BPIFC: variants seen among roughly 807,000 people sequenced by gnomAD.
BPIFC encodes BPI fold-containing family C protein.
In BPIFC, 60 loss-of-function variants were observed where a neutral mutation model predicts 57.6. The ratio of observed to expected loss-of-function variants is 1.04; its 90% CI spans 0.85 to 1.29. The LOEUF is 1.29. Ranked by LOEUF, BPIFC falls within the 50% of genes most tolerant of loss-of-function variation. The pLI, the probability that BPIFC is intolerant of heterozygous loss-of-function variation, is 0.00. For synonymous variants in BPIFC, 243 were observed against 224.5 expected (o/e 1.08, Z -0.74); for missense variants, 581 against 600.5 (o/e 0.97, Z 0.34).
intron 4 of BPIFC, among the ~76,000 whole-genome samples, chr22:32,452,984 C>T (rs926333004): frequency 2.0e-5 from 3 of 152,178 alleles, no homozygotes; most frequent in African/African-American, 4.8e-5. Flanking sequence ...TTGGGAACGA[C>T]AAACTTGTTT....
chr22:32,436,851 A>G (rs116588563), intron 9 of BPIFC, among the ~76,000 whole-genome samples: 320 of 152,326 alleles, frequency 2.1e-3, no homozygotes, highest in African/African-American at 7.1e-3. Flanking sequence ...CTCATTAGCT[A>G]TAGGGCGTTA....
Position 32,432,364 on chromosome 22 carries a change from C to G in BPIFC, c.1149+9G>C, listed in dbSNP as rs1296530346. The G allele has an allele frequency of 1.5e-5, 25 of 1,613,776 alleles. No homozygotes were observed. Among genetic ancestry groups the G allele is most frequent in the Non-Finnish European group, 2.0e-5 (24 of 1,179,958 alleles). ...TCTACAGGCTGCTCCACTGTCTCCC[C>G]AGACTTACGAAGTCCATGGAAACGA... On this transcript the variant is annotated intron_variant, in intron 12 of 16. Transcript: ENST00000300399.
At chr22:32,429,562 G>A (rs1361727312) in intron 13 of BPIFC, among the ~76,000 whole-genome samples, 1 of 138,570 alleles carries the variant, frequency 7.2e-6, no homozygotes, top group African/African-American at 2.7e-5. Context: ...TGTTGCCCAG[G>A]CTGGAGTGCA....
chr22:32,414,372 C>A lies in BPIFC; in HGVS notation c.1455G>T (p.Gln485His), dbSNP rs1459871061. 1.9e-6 allele frequency: 3 copies of A among 1,613,954 alleles called. No individual in the cohort carries two copies. Among genetic ancestry groups the A allele is most frequent in the Admixed American group, 1.7e-5 (1 of 60,002 alleles). ...GACCTTCCCATACGTGGAAACTTGGCTGCTGCTTTGAGGATGTTTCATACT... is the reference window on the plus strand; with the variant it reads ...GACCTTCCCATACGTGGAAACTTGGATGCTGCTTTGAGGATGTTTCATACT... ...DLKYETSSKQ[Q>H]PSFHVWEGLN... Residue 485 changes from glutamine (Q) to histidine (H), a missense_variant, in exon 17 of 17, where the codon CAG becomes CAT. By Grantham distance (24) the Gln-to-His change is conservative. Coordinates refer to ENST00000300399, the MANE Select transcript of BPIFC (RefSeq NM_174932.3).
chr22:32,445,738 G>C, intron 6 of BPIFC, 40 bp from the exon 7 acceptor site: 1 of 1,003,716 alleles, frequency 1.0e-6, no homozygotes, highest in Non-Finnish European at 1.3e-6. Flanking sequence ...AAAAAAAAGA[G>C]GTTACTCAGA....
chr22:32,462,598 T>C (rs1481521156), intron 1 of BPIFC, among the ~76,000 whole-genome samples: 4 of 152,260 alleles, frequency 2.6e-5, no homozygotes, highest in Non-Finnish European at 5.9e-5. Context: ...GATGTTCTTA[T>C]TATCTTACTC....
chr22:32,429,516 T>C (rs1262106294), intron 13 of BPIFC, among the ~76,000 whole-genome samples: 1 of 121,142 alleles, frequency 8.3e-6, no homozygotes, highest in Admixed American at 8.1e-5. Flanking sequence ...TTTGTTTTTT[T>C]TTTTTTTTTT....
intron 9 of BPIFC, 30 bp from the exon 10 acceptor site, chr22:32,435,910 T>C (rs1300132659): frequency 1.3e-6 from 2 of 1,587,380 alleles, no homozygotes; most frequent in Non-Finnish European, 8.5e-7. Flanking sequence ...AAGACCAGTG[T>C]ATCAGGTGAA....
chr22:32,448,623 G>C (rs933133744), intron 4 of BPIFC, among the ~76,000 whole-genome samples: 4 of 152,152 alleles, frequency 2.6e-5, no homozygotes, highest in Non-Finnish European at 4.4e-5. Flanking sequence ...TGCAAAGGTA[G>C]ATGGCCACAT....
intron 2 of BPIFC, among the ~76,000 whole-genome samples, chr22:32,459,440 G>A (rs1218742288): frequency 6.6e-6 from 1 of 152,086 alleles, no homozygotes; most frequent in Non-Finnish European, 1.5e-5. Context: ...GAGGCGGGTG[G>A]ATCACGAGGT....
At position 32,417,136 on chromosome 22, in the gene BPIFC, C is replaced by T; in HGVS notation, c.1273G>A (p.Glu425Lys). Reference sequence around the variant, plus strand: ...TGAAGAATGGACGATAGAATATTTTCAAACCTCAAGACCTAAAATAAAAGA... The same window carrying T: ...TGAAGAATGGACGATAGAATATTTTTAAACCTCAAGACCTAAAATAAAAGA... ...NRSNIEVLRFENILSSILHFG... is the reference protein window; with the variant it reads ...NRSNIEVLRFKNILSSILHFG... Residue 425 changes from glutamate to lysine, a missense_variant, in exon 15 of 17, where the codon GAA becomes AAA. Transcript: ENST00000300399. The T allele has an allele frequency of 3.8e-6, 6 of 1,590,704 alleles. No homozygotes were observed. The highest frequency in any genetic ancestry group is 5.2e-6 in the Non-Finnish European group (6 of 1,162,028).
At chr22:32,452,093 G>T (rs1396852933) in intron 4 of BPIFC, among the ~76,000 whole-genome samples, 1 of 152,046 alleles carries the variant, frequency 6.6e-6, no homozygotes, top group African/African-American at 2.4e-5. Flanking sequence ...GTAGAGATGG[G>T]TTTTCGTCAT....
chr22:32,416,554 G>A (rs1933684346), intron 15 of BPIFC, among the ~76,000 whole-genome samples: 1 of 152,146 alleles, frequency 6.6e-6, no homozygotes, highest in Non-Finnish European at 1.5e-5. Context: ...TCCATTTTTA[G>A]CCTACCCGAT....
chr22:32,449,796 A>G (rs1014063710), intron 4 of BPIFC, among the ~76,000 whole-genome samples: 3 of 150,358 alleles, frequency 2.0e-5, no homozygotes, highest in African/African-American at 7.4e-5. Context: ...GTGCAGTGGC[A>G]TGATCTCGGC....
At chr22:32,442,422 T>C (rs1445911159) in intron 8 of BPIFC, among the ~76,000 whole-genome samples, 2 of 152,138 alleles carry the variant, frequency 1.3e-5, no homozygotes, top group Admixed American at 6.5e-5. Context: ...GAGGGTTTAG[T>C]TCCTGAACCT....
intron 6 of BPIFC, 30 bp downstream of exon 6, chr22:32,445,811 G>A (rs1010188524): frequency 1.2e-6 from 2 of 1,602,968 alleles, no homozygotes; most frequent in African/African-American, 2.7e-5. Context: ...CCCCTAACTA[G>A]CCACTGCCCA....
At chr22:32,423,577 G>GGGCTGTGT (rs1556036074) in intron 13 of BPIFC, among the ~76,000 whole-genome samples, 1 of 143,198 alleles carries the variant, frequency 7.0e-6, no homozygotes, top group African/African-American at 2.7e-5. Flanking sequence ...GTAGGGTGTG[G>GGGCTGTGT]GTGTGTGTGT....
chr22:32,419,338 A>T, intron 14 of BPIFC, 24 bp downstream of exon 14: 1 of 1,604,922 alleles, frequency 6.2e-7, no homozygotes, highest in South Asian at 1.1e-5. Flanking sequence ...AGTGCTTGGT[A>T]ACCCCAAGAG....
intron 7 of BPIFC, among the ~76,000 whole-genome samples, chr22:32,444,336 A>C (rs1051849441): frequency 6.6e-6 from 1 of 152,012 alleles, no homozygotes; most frequent in Non-Finnish European, 1.5e-5. Context: ...CAGCTGCGCC[A>C]CCTCCTGGGA....
Sources: allele counts gnomAD v4.1 joint callset (sites outside exome capture counted in the v4.1 genomes callset), GRCh38; gene constraint gnomAD v4.1.1; transcripts MANE v1.5; gene names NCBI Gene and HGNC (gene_info 2026-07-23, HGNC 2026-07-21).